Variants in ITGB4 observed in about 807,000 individuals in gnomAD.
ITGB4 encodes the protein integrin subunit beta 4, also known as integrin beta-4.
A neutral mutation model predicts 207.6 loss-of-function variants in ITGB4; 159 were observed. The ratio of observed to expected loss-of-function variants is 0.77; its 90% CI spans 0.67 to 0.87. The LOEUF (loss-of-function observed/expected upper bound fraction) is 0.87, where lower values mean the gene tolerates loss of function less well. Among genes scored for constraint, ITGB4 ranks in the 40% least tolerant of loss-of-function variants. The pLI, the probability that ITGB4 is intolerant of heterozygous loss-of-function variation, is 0.00. For missense variants in ITGB4, 2,278 were observed against 2,546.8 expected (o/e 0.89, Z 2.27); for synonymous variants, 1,020 against 1,062.7 (o/e 0.96, Z 0.78).
Position 75,727,950 on chromosome 17 carries a change from A to T in ITGB4, c.469+95A>T. The T allele has an allele frequency of 8.9e-7, 1 of 1,123,466 alleles. No individual in the cohort carries two copies. The highest frequency in any genetic ancestry group is 2.4e-5 in the East Asian group (1 of 41,906). The allele number at this position is 1,123,466 out of a possible 1,614,324, so 69.6% of individuals were successfully genotyped here. On this transcript the variant is annotated intron_variant, in intron 5 of 39. Coordinates refer to ENST00000200181, the MANE Select transcript of ITGB4 (RefSeq NM_000213.5). The surrounding 1 kb of genome is among the most constrained non-coding windows in gnomAD (Gnocchi z 6.0). Reference sequence around the variant, plus strand: ...GGACTCAGGACAGCTGCACCCACCCAGAAGGAAACACTGGACATTTGAGCC... The same window carrying T: ...GGACTCAGGACAGCTGCACCCACCCTGAAGGAAACACTGGACATTTGAGCC...
chr17:75,755,716 C>G lies in ITGB4; in HGVS notation c.4574C>G (p.Ala1525Gly). ...SVSSHDSRLT[A>G]GVPDTPTRLV... ...CTGTCCCCAGACTCTCGCCTGACTG[C>G]TGGTGTGCCCGACACGCCCACCCGC... Residue 1525 changes from alanine (A) to glycine (G), a missense_variant, in exon 35 of 40, where the codon GCT (alanine) becomes GGT (glycine). Coordinates refer to ENST00000200181, the MANE Select transcript of ITGB4 (RefSeq NM_000213.5). The G allele has an allele frequency of 6.2e-7, 1 of 1,612,952 alleles. No homozygotes were observed. The highest frequency in any genetic ancestry group is 1.1e-5 in the South Asian group (1 of 91,086).
In ITGB4 at chr17:75,757,224, G is replaced by C; in HGVS notation, c.5243G>C (p.Arg1748Pro). Residue 1748 changes from arginine (R) to proline (P), a missense_variant, in exon 39 of 40, where the codon CGT becomes CCT. Transcript: ENST00000200181. ...GGACCCTTCCCGCAGCTGGGCAGCCGTGCCGGGCTCTTCCAGCACCCGCTG... is the reference window on the plus strand; with the variant it reads ...GGACCCTTCCCGCAGCTGGGCAGCCCTGCCGGGCTCTTCCAGCACCCGCTG... ...DGGPFPQLGS[R>P]AGLFQHPLQS... 1 of 1,611,850 alleles carries C rather than the reference G, an allele frequency of 6.2e-7. No homozygotes were observed. The highest frequency in any genetic ancestry group is 8.5e-7 in the Non-Finnish European group (1 of 1,179,966).
intron 26 of ITGB4, among the ~76,000 whole-genome samples, chr17:75,746,841 T>C (rs921377664): frequency 6.8e-6 from 1 of 146,432 alleles, no homozygotes; most frequent in Non-Finnish European, 1.5e-5. Flanking sequence ...CTCGGGAGGC[T>C]GAGGTAGAGC....
intron 1 of ITGB4, among the ~76,000 whole-genome samples, 182 bp from the exon 2 acceptor site, chr17:75,724,512 G>A (rs1176902391): frequency 2.6e-5 from 4 of 152,276 alleles, no homozygotes; most frequent in Admixed American, 6.5e-5. Context: ...GGGATGGCAC[G>A]GAACAGGGCA....
intron 23 of ITGB4, among the ~76,000 whole-genome samples, chr17:75,741,492 A>T (rs1338883576): frequency 1.3e-5 from 2 of 152,122 alleles, no homozygotes; most frequent in Non-Finnish European, 2.9e-5. Flanking sequence ...AAGAGCTAGA[A>T]TCTCAGCACA....
chr17:75,726,057 C>A (rs996783943), intron 2 of ITGB4, among the ~76,000 whole-genome samples: 1 of 152,264 alleles, frequency 6.6e-6, no homozygotes, highest in Non-Finnish European at 1.5e-5. Flanking sequence ...TCTCAGTCCC[C>A]ACCTTCTGTC....
At position 75,740,295 on chromosome 17, in the gene ITGB4, T is replaced by C. The variant is rs952408471; in HGVS notation, c.2447-63T>C. The C allele has an allele frequency of 8.4e-6, 12 of 1,436,212 alleles. No homozygotes were observed. The highest frequency in any genetic ancestry group is 1.2e-5 in the Non-Finnish European group (12 of 1,032,206). The allele number at this position is 1,436,212 out of a possible 1,614,324, so 89.0% of individuals were successfully genotyped here. A position where few individuals can be genotyped will look rare whatever the true frequency, so the allele number is the denominator to read the frequency against. ...GCATGGTTGCTGGAGGGATGCTCTG[T>C]GGTGCCTGTCATGCAGGGGGCTGAC... On this transcript the variant is annotated intron_variant, in intron 20 of 39. Coordinates refer to ENST00000200181, the MANE Select transcript of ITGB4 (RefSeq NM_000213.5). The surrounding 1 kb of genome is among the most constrained non-coding windows in gnomAD (Gnocchi z 5.9).
At chr17:75,725,617 C>T (rs1438461688) in intron 2 of ITGB4, among the ~76,000 whole-genome samples, 1 of 152,206 alleles carries the variant, frequency 6.6e-6, no homozygotes. Flanking sequence ...CTGGCCACCA[C>T]AGCCATTGTT....
intron 16 of ITGB4, among the ~76,000 whole-genome samples, chr17:75,736,913 G>A (rs938901331): frequency 5.9e-5 from 9 of 152,064 alleles, no homozygotes; most frequent in Admixed American, 2.0e-4. Flanking sequence ...GAACCCAGGC[G>A]GTGGGACACA....
intron 13 of ITGB4, among the ~76,000 whole-genome samples, chr17:75,734,526 C>T (rs1448479727): frequency 1.3e-5 from 2 of 152,130 alleles, no homozygotes; most frequent in Non-Finnish European, 2.9e-5. Flanking sequence ...CATAGGCATA[C>T]AGTCTGGCCA....
rs1468351014 is a variant in ITGB4, at chr17:75,742,782, TG to T, written c.2962+25del. The T allele has an allele frequency of 1.1e-5, 17 of 1,596,440 alleles. No individual in the cohort carries two copies. Among genetic ancestry groups the T allele is most frequent in the Non-Finnish European group, 1.4e-5 (16 of 1,175,684 alleles). On this transcript the variant is annotated intron_variant, in intron 25 of 39. Transcript: ENST00000200181. The surrounding 1 kb of genome is among the most constrained non-coding windows in gnomAD (Gnocchi z 5.9). ...GCAAGGTGGGTCTGGGTGGGGAGAG[TG>T]GGGAAGGCAGACGGGGGCTCGGGGG...
Position 75,750,964 on chromosome 17 carries a change from C to T in ITGB4, c.3656-10C>T, listed in dbSNP as rs773874103. The T allele has an allele frequency of 2.7e-5, 43 of 1,613,494 alleles. No individual in the cohort carries two copies. The highest frequency in any genetic ancestry group is 1.8e-4 in the Admixed American group (11 of 59,994). On this transcript the variant is annotated splice_polypyrimidine_tract_variant and intron_variant, in intron 29 of 39. Coordinates refer to ENST00000200181, the MANE Select transcript of ITGB4 (RefSeq NM_000213.5). This position sits in a 1 kb window ranked among gnomAD's most constrained non-coding sequence, Gnocchi z 5.5. ...CTGACAGCACTCTTCCTGTATTCCC[C>T]GCTCCCTAGTGCCCAGCGAGCCAGG...
rs996881896 is a variant in ITGB4 at position 75,740,933 on chromosome 17, C to A, written c.2610-49C>A. On this transcript the variant is annotated intron_variant, in intron 22 of 39. Coordinates refer to ENST00000200181, the MANE Select transcript of ITGB4 (RefSeq NM_000213.5). The surrounding 1 kb of genome is among the most constrained non-coding windows in gnomAD (Gnocchi z 5.9). Reference sequence around the variant, plus strand: ...AGCCGAAGCCCCCAGGCCGATCAGGCCTCCACTTCAGGGCTATCTAGCTCA... The same window carrying A: ...AGCCGAAGCCCCCAGGCCGATCAGGACTCCACTTCAGGGCTATCTAGCTCA... 6.2e-7 allele frequency: 1 copy of A among 1,613,852 alleles called. No individual in the cohort carries two copies. The highest frequency in any genetic ancestry group is 1.7e-5 in the Admixed American group (1 of 60,030).
intron 26 of ITGB4, among the ~76,000 whole-genome samples, chr17:75,748,167 C>G (rs2061275284): frequency 7.3e-6 from 1 of 136,406 alleles, no homozygotes; most frequent in South Asian, 2.3e-4. Context: ...TCAAGACCAG[C>G]CTAGGCAACA....
chr17:75,748,702 C>T, intron 26 of ITGB4, 139 bp from the exon 27 acceptor site: 2 of 643,142 alleles, frequency 3.1e-6, no homozygotes, highest in East Asian at 2.8e-5. Context: ...AACACAAAAA[C>T]CTGAACCTCG....
intron 16 of ITGB4, among the ~76,000 whole-genome samples, chr17:75,737,074 G>C (rs528739288): frequency 1.3e-5 from 2 of 152,306 alleles, no homozygotes; most frequent in Non-Finnish European, 2.9e-5. Context: ...GAGTTCCTGG[G>C]TGATGTCCAG....
chr17:75,754,993 C>T, intron 34 of ITGB4, 178 bp downstream of exon 34: 2 of 1,541,836 alleles, frequency 1.3e-6, no homozygotes, highest in South Asian at 1.2e-5. Flanking sequence ...CATGCATGCG[C>T]ACACGTACAC....
rs539660409 is a variant in ITGB4 at position 75,743,609 on chromosome 17, C to T, written c.2963-104C>T. The T allele has an allele frequency of 1.0e-5, 15 of 1,498,110 alleles. 1 individual carries two copies. In the East Asian group the frequency reaches 1.1e-4, roughly 11 times the overall value. The allele number at this position is 1,498,110 out of a possible 1,614,324, so 92.8% of individuals were successfully genotyped here. On this transcript the variant is annotated intron_variant, in intron 25 of 39. Coordinates refer to ENST00000200181, the MANE Select transcript of ITGB4 (RefSeq NM_000213.5). ...AGGGCAATGCATAGAGGGAACCAAG[C>T]GGACTCCTGGATTCTGGGCTGGGCT...
At chr17:75,744,362 C>T (rs1273706364) in intron 26 of ITGB4, among the ~76,000 whole-genome samples, 2 of 152,024 alleles carry the variant, frequency 1.3e-5, no homozygotes, top group Non-Finnish European at 2.9e-5. Flanking sequence ...TCAGGTGATC[C>T]GCCCGCCTTG....
Sources: allele counts gnomAD v4.1 joint callset (sites outside exome capture counted in the v4.1 genomes callset), GRCh38; gene constraint gnomAD v4.1.1; non-coding constraint Gnocchi (gnomAD v3.1); transcripts MANE v1.5; gene names NCBI Gene and HGNC (gene_info 2026-07-23, HGNC 2026-07-21).